MYZAP: variants seen among roughly 807,000 people sequenced by gnomAD.
MYZAP encodes the protein GRINL1A complex locus upstream.
A neutral mutation model predicts 69.4 loss-of-function variants in MYZAP; 66 were observed. The ratio of observed to expected loss-of-function variants is 0.95; its 90% confidence interval spans 0.78 to 1.17. MYZAP has a LOEUF of 1.17. Among genes scored for constraint, MYZAP ranks in the 50% most tolerant of loss-of-function variants. The pLI is 0.00. For synonymous variants in MYZAP, 256 were observed against 205.9 expected (o/e 1.24, Z -2.09); for missense variants, 611 against 556.2 (o/e 1.10, Z -0.99).
chr15:57,628,420 C>T (rs555354625), intron 5 of MYZAP, among the ~76,000 whole-genome samples: 2 of 152,248 alleles, frequency 1.3e-5, no homozygotes, highest in Admixed American at 6.5e-5. Context: ...CAGGTACACA[C>T]AACCATGTCT....
chr15:57,632,141 T>C (rs2036542632), intron 6 of MYZAP, among the ~76,000 whole-genome samples: 3 of 152,150 alleles, frequency 2.0e-5, no homozygotes, highest in Admixed American at 2.0e-4. Flanking sequence ...ATGCAACTGA[T>C]GAGATTGCGT....
At chr15:57,613,809 G>T (rs1351809028) in intron 2 of MYZAP, among the ~76,000 whole-genome samples, 1 of 152,094 alleles carries the variant, frequency 6.6e-6, no homozygotes, top group South Asian at 2.1e-4. Context: ...CTACATCCAC[G>T]CTGTATAAGG....
At chr15:57,682,391 G>A (rs1197593311) in intron 12 of MYZAP, among the ~76,000 whole-genome samples, 1 of 152,072 alleles carries the variant, frequency 6.6e-6, no homozygotes, top group Non-Finnish European at 1.5e-5. Flanking sequence ...AAAAGAAATG[G>A]GATGTCTTAG....
At chr15:57,683,564 T>G (rs1319283803) in intron 12 of MYZAP, among the ~76,000 whole-genome samples, 1 of 152,180 alleles carries the variant, frequency 6.6e-6, no homozygotes, top group Non-Finnish European at 1.5e-5. Flanking sequence ...AAAATAACTT[T>G]TTTATTTTTA....
At chr15:57,638,475 GA>G (rs1259762576) in intron 9 of MYZAP, among the ~76,000 whole-genome samples, 88 of 152,198 alleles carry the variant, frequency 5.8e-4, no homozygotes, top group African/African-American at 2.1e-3. Flanking sequence ...AGTACGTGCT[GA>G]AAAAATACCC....
intron 10 of MYZAP, among the ~76,000 whole-genome samples, chr15:57,653,720 C>G (rs941724668): frequency 2.0e-5 from 3 of 151,984 alleles, no homozygotes; most frequent in Non-Finnish European, 4.4e-5. Context: ...TTGGTTAAAG[C>G]AGAAAGTCCC....
Position 57,616,987 on chromosome 15 carries a change from G to T in MYZAP, c.163-1046G>T, listed in dbSNP as rs563512399. ...CAGCCCTAGGGAAAACTGAGAGAAG[G>T]TCAGTTTGTCTGAAGTCTCAGTCCT... On this transcript the variant is annotated intron_variant, in intron 2 of 12. Transcript: ENST00000267853. 2.0e-5 allele frequency among the ~76,000 whole-genome samples: 3 copies of T among 151,762 alleles called. 1 individual carries two copies. The East Asian group carries it at 5.8e-4, about 29-fold the overall frequency.
intron 1 of MYZAP, among the ~76,000 whole-genome samples, chr15:57,602,427 C>T (rs1370823519): frequency 6.6e-6 from 1 of 152,130 alleles, no homozygotes; most frequent in Non-Finnish European, 1.5e-5. Flanking sequence ...ATGTGTGTCT[C>T]TCCCCAAATT....
At chr15:57,640,681 G>T (rs772128432) in intron 10 of MYZAP, among the ~76,000 whole-genome samples, 1 of 152,122 alleles carries the variant, frequency 6.6e-6, no homozygotes, top group African/African-American at 2.4e-5. Flanking sequence ...GTATGGGAAG[G>T]GACATCTTTT....
intron 12 of MYZAP, among the ~76,000 whole-genome samples, chr15:57,680,485 TCACACACACACACA>T (rs71950892): frequency 1.4e-5 from 2 of 142,994 alleles, no homozygotes; most frequent in East Asian, 2.0e-4. Flanking sequence ...GTTCAGGAGT[TCACACACACACACA>T]CACACACACA....
chr15:57,645,475 C>T (rs2037396410), intron 10 of MYZAP, among the ~76,000 whole-genome samples: 1 of 152,208 alleles, frequency 6.6e-6, no homozygotes, highest in African/African-American at 2.4e-5. Flanking sequence ...TGGACTTTAG[C>T]ATCAGACAAA....
intron 10 of MYZAP, among the ~76,000 whole-genome samples, chr15:57,639,911 C>T (rs999080512): frequency 3.3e-5 from 5 of 151,830 alleles, no homozygotes; most frequent in South Asian, 2.1e-4. Context: ...CCTCCACAGC[C>T]GTCTGTCTGT....
At chr15:57,647,422 G>T (rs1190287962) in intron 10 of MYZAP, 2 of 985,230 alleles carry the variant, frequency 2.0e-6, no homozygotes, top group Non-Finnish European at 2.4e-6. Context: ...CTTTATTGCT[G>T]TAATGTTTTT....
intron 9 of MYZAP, 138 bp downstream of exon 9, chr15:57,637,912 G>A (rs2036909578): frequency 1.1e-6 from 1 of 894,762 alleles, no homozygotes; most frequent in South Asian, 1.9e-5. Flanking sequence ...ACATTGGGCT[G>A]AGAGTTTCCA....
At chr15:57,616,764 C>T (rs2035478052) in intron 2 of MYZAP, among the ~76,000 whole-genome samples, 1 of 146,514 alleles carries the variant, frequency 6.8e-6, no homozygotes, top group Admixed American at 7.1e-5. Flanking sequence ...GAGCCACGAT[C>T]ACGCCACTAC....
chr15:57,601,748 T>C (rs1318377382), intron 1 of MYZAP, among the ~76,000 whole-genome samples: 1 of 152,078 alleles, frequency 6.6e-6, no homozygotes, highest in Admixed American at 6.5e-5. Flanking sequence ...CCAAGTCATG[T>C]GATTTAAAGA....
intron 1 of MYZAP, among the ~76,000 whole-genome samples, chr15:57,595,069 C>CAGGG (rs2033966612): frequency 6.6e-6 from 1 of 152,172 alleles, no homozygotes; most frequent in African/African-American, 2.4e-5. Flanking sequence ...TGACACTGAG[C>CAGGG]AGGGACTCCT....
At position 57,591,978 on chromosome 15, in the gene MYZAP, C is replaced by G; in HGVS notation, c.-57C>G. 7.2e-7 allele frequency: 1 copy of G among 1,379,510 alleles called. No homozygotes were observed. The highest frequency in any genetic ancestry group is 1.6e-5 in the South Asian group (1 of 62,098). The allele number at this position is 1,379,510 out of a possible 1,614,324, so 85.5% of individuals were successfully genotyped here. A position where few individuals can be genotyped will look rare whatever the true frequency, so the allele number is the denominator to read the frequency against. On this transcript the variant is annotated 5_prime_UTR_variant, in exon 1 of 13. Coordinates refer to ENST00000267853, the MANE Select transcript of MYZAP (RefSeq NM_001018100.5). ...CCCCGCGCAGGGCGGGCCCCGCACGCTTATTCTGCCCGGGAGGAACGCCGG... is the reference window on the plus strand; with the variant it reads ...CCCCGCGCAGGGCGGGCCCCGCACGGTTATTCTGCCCGGGAGGAACGCCGG...
chr15:57,673,179 C>A (rs2038949445), intron 11 of MYZAP, among the ~76,000 whole-genome samples: 1 of 152,152 alleles, frequency 6.6e-6, no homozygotes, highest in South Asian at 2.1e-4. Flanking sequence ...GATTTGGGGT[C>A]ATTTGTCCTC....
Sources: allele counts gnomAD v4.1 joint callset (sites outside exome capture counted in the v4.1 genomes callset), GRCh38; gene constraint gnomAD v4.1.1; transcripts MANE v1.5; gene names NCBI Gene and HGNC (gene_info 2026-07-23, HGNC 2026-07-21).